CACNA2D3: variants seen among roughly 807,000 people sequenced by gnomAD.
CACNA2D3 encodes calcium voltage-gated channel auxiliary subunit alpha2delta 3.
A neutral mutation model predicts 160.6 loss-of-function variants in CACNA2D3; 60 were observed. The observed-to-expected ratio is 0.37, with a 90% CI of 0.30 to 0.46. The LOEUF (loss-of-function observed/expected upper bound fraction) is 0.46, where lower values mean the gene tolerates loss of function less well. Among genes scored for constraint, CACNA2D3 ranks in the 20% least tolerant of loss-of-function variants. CACNA2D3 has a pLI of 1.00. For missense variants in CACNA2D3, 1,205 were observed against 1,365.0 expected (o/e 0.88, Z 1.85); for synonymous variants, 558 against 492.9 (o/e 1.13, Z -1.75).
At chr3:54,361,812 C>G (rs544854051) in intron 3 of CACNA2D3, among the ~76,000 whole-genome samples, 21 of 152,128 alleles carry the variant, frequency 1.4e-4, no homozygotes, top group Non-Finnish European at 2.2e-4. Context: ...AGGAGAGGAT[C>G]TAAGAGATGC....
chr3:54,329,745 CATAATA>C (rs574345629), intron 3 of CACNA2D3, among the ~76,000 whole-genome samples: 5 of 151,504 alleles, frequency 3.3e-5, no homozygotes, highest in African/African-American at 7.3e-5. Context: ...AGAAGAAAGC[CATAATA>C]ATAATAATAA....
chr3:54,644,659 G>A (rs1430174074), intron 11 of CACNA2D3, among the ~76,000 whole-genome samples: 3 of 152,230 alleles, frequency 2.0e-5, no homozygotes, highest in African/African-American at 7.2e-5. Context: ...CTCAAGGCTG[G>A]AATGTGATTC....
chr3:54,929,309 A>C (rs1026498373), intron 27 of CACNA2D3, among the ~76,000 whole-genome samples: 1 of 152,140 alleles, frequency 6.6e-6, no homozygotes, highest in African/African-American at 2.4e-5. Context: ...ACAATTTTGC[A>C]TGAGAAAGGC....
At chr3:54,310,185 A>G (rs1703704714) in intron 2 of CACNA2D3, among the ~76,000 whole-genome samples, 2 of 152,160 alleles carry the variant, frequency 1.3e-5, no homozygotes, top group South Asian at 4.1e-4. Context: ...CATTTCAACT[A>G]GAAAAGTATT....
At chr3:54,868,879 T>G (rs763022771) in intron 17 of CACNA2D3, among the ~76,000 whole-genome samples, 1 of 152,234 alleles carries the variant, frequency 6.6e-6, no homozygotes, top group Non-Finnish European at 1.5e-5. Context: ...TCTTGCTAGC[T>G]GAATATTAAA....
chr3:54,484,624 A>C (rs948304118), intron 4 of CACNA2D3, among the ~76,000 whole-genome samples: 1 of 152,196 alleles, frequency 6.6e-6, no homozygotes, highest in Non-Finnish European at 1.5e-5. Context: ...AGAACATTCT[A>C]AATGGCAATA....
At chr3:54,407,346 A>G (rs1699595156) in intron 4 of CACNA2D3, among the ~76,000 whole-genome samples, 1 of 152,166 alleles carries the variant, frequency 6.6e-6, no homozygotes, top group African/African-American at 2.4e-5. Context: ...TCACATTTTT[A>G]TGTTAAAATA....
In CACNA2D3 at chr3:54,409,219, A is replaced by G. The variant is rs141448985; in HGVS notation, c.381+22445A>G. 7.2e-5 allele frequency among the ~76,000 whole-genome samples: 11 copies of G among 152,308 alleles called. No homozygotes were observed. In the East Asian group the frequency reaches 2.1e-3, roughly 29 times the overall value. Reference sequence around the variant, plus strand: ...CATGTCTTTGTGTCACACTTTGGTAATTCTCACAATATTTCAGACTTTTTC... The same window carrying G: ...CATGTCTTTGTGTCACACTTTGGTAGTTCTCACAATATTTCAGACTTTTTC... On this transcript the variant is annotated intron_variant, in intron 4 of 37. Transcript: ENST00000474759.
intron 2 of CACNA2D3, among the ~76,000 whole-genome samples, chr3:54,304,449 G>A (rs1703551684): frequency 6.6e-6 from 1 of 152,026 alleles, no homozygotes; most frequent in Non-Finnish European, 1.5e-5. Flanking sequence ...GATCCCTTTG[G>A]CATGTATAGG....
intron 9 of CACNA2D3, among the ~76,000 whole-genome samples, chr3:54,603,818 C>A (rs1160252795): frequency 6.6e-6 from 1 of 151,972 alleles, no homozygotes; most frequent in Non-Finnish European, 1.5e-5. Context: ...GACAAAGAAC[C>A]AACTCTAGTA....
chr3:54,587,842 C>CA lies in CACNA2D3; in HGVS notation c.963+5972dup, dbSNP rs562736678. Among the ~76,000 whole-genome samples the CA allele has an allele frequency of 1.7e-4, 26 of 152,010 alleles. 1 individual carries two copies. Among genetic ancestry groups the CA allele is most frequent in the Middle Eastern group, 6.8e-3 (2 of 292 alleles). ...TAATTTAAAAGCACCCTCTCCCTGC[C>CA]AAAAAAACCATTTTCAGGTCTGGAG... On this transcript the variant is annotated intron_variant, in intron 9 of 37. Transcript: ENST00000474759.
intron 11 of CACNA2D3, among the ~76,000 whole-genome samples, chr3:54,677,789 G>T (rs933601215): frequency 6.6e-5 from 10 of 152,082 alleles, no homozygotes; most frequent in African/African-American, 2.4e-4. Context: ...TTGTTGTAGT[G>T]ACCACAGGAG....
chr3:54,376,741 A>G (rs914059074), intron 3 of CACNA2D3, among the ~76,000 whole-genome samples: 2 of 152,206 alleles, frequency 1.3e-5, no homozygotes, highest in African/African-American at 2.4e-5. Flanking sequence ...CATTTACTCA[A>G]TGCCAAGAAC....
chr3:54,856,645 T>C (rs552589109), intron 17 of CACNA2D3, among the ~76,000 whole-genome samples: 39 of 152,290 alleles, frequency 2.6e-4, no homozygotes, highest in Non-Finnish European at 2.6e-4. Context: ...AACAAACTGA[T>C]AAATAAAAAT....
At chr3:54,540,789 A>G (rs1299355289) in intron 5 of CACNA2D3, among the ~76,000 whole-genome samples, 1 of 152,066 alleles carries the variant, frequency 6.6e-6, no homozygotes, top group Non-Finnish European at 1.5e-5. Flanking sequence ...ATCTCCTAGT[A>G]CCATCACACT....
At chr3:54,293,667 A>G (rs1703263614) in intron 2 of CACNA2D3, among the ~76,000 whole-genome samples, 1 of 152,200 alleles carries the variant, frequency 6.6e-6, no homozygotes, top group Admixed American at 6.6e-5. Context: ...ATGAATCGCG[A>G]ATGCATCATA....
intron 27 of CACNA2D3, among the ~76,000 whole-genome samples, chr3:54,960,077 A>C (rs1357318329): frequency 2.2e-5 from 2 of 92,808 alleles, no homozygotes; most frequent in Non-Finnish European, 3.6e-5. Flanking sequence ...CTGACAGGAC[A>C]AAAAAAAAAA....
At chr3:54,645,043 C>T (rs1455256879) in intron 11 of CACNA2D3, among the ~76,000 whole-genome samples, 1 of 152,200 alleles carries the variant, frequency 6.6e-6, no homozygotes, top group African/African-American at 2.4e-5. Context: ...TCCATTTTCA[C>T]ACTGCTATAA....
chr3:54,225,937 G>A (rs1701662312), intron 2 of CACNA2D3, among the ~76,000 whole-genome samples: 1 of 152,162 alleles, frequency 6.6e-6, no homozygotes, highest in African/African-American at 2.4e-5. Context: ...ACTAGGAGCA[G>A]TGAGTTCACC....
Sources: gnomAD v4.1 joint callset for allele counts (sites outside exome capture counted in the v4.1 genomes callset) on GRCh38, gnomAD v4.1.1 for gene constraint, MANE v1.5 for transcripts, NCBI Gene and HGNC (gene_info 2026-07-23, HGNC 2026-07-21) for gene names.